Variants in ADSS1 observed in about 807,000 individuals in gnomAD.
ADSS1 encodes adenylosuccinate synthase 1, also known as adenylosuccinate synthetase isozyme 1.
A neutral mutation model predicts 59.1 loss-of-function variants in ADSS1; 57 were observed. That is an observed-to-expected ratio of 0.97 (90% CI 0.78 to 1.20). The LOEUF (loss-of-function observed/expected upper bound fraction) is 1.20. ADSS1 is among the 50% of genes most tolerant of loss of function. The pLI is 0.00. For missense variants in ADSS1, 603 were observed against 610.3 expected (o/e 0.99, Z 0.13); for synonymous variants, 247 against 249.4 (o/e 0.99, Z 0.09).
At chr14:104,746,452 C>T (rs1301657459) in intron 12 of ADSS1, 67 bp downstream of exon 12, 14 of 1,543,046 alleles carry the variant, frequency 9.1e-6, no homozygotes, top group South Asian at 4.7e-5. Flanking sequence ...CACATCCCAG[C>T]GCAGGGCTTG....
rs759021404 is a variant in ADSS1 at position 104,744,843 on chromosome 14, G to C, written c.1105G>C (p.Val369Leu). The C allele has an allele frequency of 4.3e-6, 7 of 1,614,206 alleles. No homozygotes were observed. Among genetic ancestry groups the C allele is most frequent in the South Asian group, 2.2e-5 (2 of 91,082 alleles). The change falls in exon 11 of 13, where the codon GTA becomes CTA. Residue 369 changes from valine (V) to leucine (L), a missense_variant. Val to Leu is a conservative substitution (Grantham distance 32). Coordinates refer to ENST00000330877, the MANE Select transcript of ADSS1 (RefSeq NM_152328.5). ...CCTGACGAAGCTGGACATCCTGGAC[G>C]TACTGGGTGAGGTTAAAGTCGGTGT... ...LALTKLDILDVLGEVKVGVSY... is the reference protein window; with the variant it reads ...LALTKLDILDLLGEVKVGVSY...
chr14:104,736,742 G>A (rs191950737), intron 2 of ADSS1, among the ~76,000 whole-genome samples: 28 of 151,820 alleles, frequency 1.8e-4, no homozygotes, highest in Middle Eastern at 3.4e-3. Context: ...TTGAGACAGG[G>A]TCTGGCTGTG....
chr14:104,741,837 C>G lies in ADSS1; in HGVS notation c.794-11C>G, dbSNP rs769476611. ...TGACAGGTAGCCCCCTAAACCTGCT[C>G]TGTCTTGCAGGGACCTACCCCTTTG... On this transcript the variant is annotated splice_polypyrimidine_tract_variant and intron_variant, in intron 8 of 12. Transcript: ENST00000330877. 1 of 1,612,922 alleles carries G rather than the reference C, an allele frequency of 6.2e-7. No homozygotes were observed. The highest frequency in any genetic ancestry group is 8.5e-7 in the Non-Finnish European group (1 of 1,179,818).
Position 104,741,988 on chromosome 14 carries a change from A to G in ADSS1, c.934A>G (p.Thr312Ala). The G allele has an allele frequency of 6.2e-7, 1 of 1,612,916 alleles. No homozygotes were observed. Among genetic ancestry groups the G allele is most frequent in the Non-Finnish European group, 8.5e-7 (1 of 1,179,884 alleles). The change falls in exon 9 of 13, where the codon ACC (threonine) becomes GCC (alanine). Residue 312 changes from threonine (T) to alanine (A), a missense_variant. Physicochemically the swap from Thr to Ala is moderately conservative, Grantham distance 58. Transcript: ENST00000330877. ...TTRVGIGAFP[T>A]EQINEIGGLL... ...ACGTGTGGGCATCGGGGCCTTCCCC[A>G]CCGAGCAGATCAACGTGAGTCCCCA...
rs564376341 is a variant in ADSS1, at chr14:104,741,183, G to A, written c.733G>A (p.Gly245Ser). Residue 245 changes from glycine (G) to serine (S), a missense_variant, in exon 8 of 13, where the codon GGC becomes AGC. Physicochemically the swap from Gly to Ser is moderately conservative, Grantham distance 56 (BLOSUM62 0). Transcript: ENST00000330877. ...GVYFMYEALH[G>S]PPKKILVEGA... ...TTACTTTATGTATGAGGCACTCCACGGCCCCCCCAAGAAGATCCTGGTGGA... is the reference window on the plus strand; with the variant it reads ...TTACTTTATGTATGAGGCACTCCACAGCCCCCCCAAGAAGATCCTGGTGGA... 1.1e-5 allele frequency: 17 copies of A among 1,612,370 alleles called. No homozygotes were observed. The Middle Eastern group carries it at 5.0e-4, about 47-fold the overall frequency.
At chr14:104,734,200 TCCATCATG>T (rs1891035145) in intron 1 of ADSS1, among the ~76,000 whole-genome samples, 1 of 152,162 alleles carries the variant, frequency 6.6e-6, no homozygotes, top group Admixed American at 6.5e-5. Context: ...TGTCCCTGTA[TCCATCATG>T]CCACCAGCCC....
chr14:104,741,289 A>C (rs1891344829), intron 8 of ADSS1, 46 bp downstream of exon 8: 6 of 1,516,990 alleles, frequency 4.0e-6, no homozygotes, highest in Non-Finnish European at 5.3e-6. Context: ...CGTGCCTGCC[A>C]GGGAAGACCC....
Position 104,741,236 on chromosome 14 carries a change from T to C in ADSS1, c.786T>C (p.Ile262=). Residue 262 remains isoleucine, a synonymous_variant, in exon 8 of 13, where the codon ATT becomes ATC. Transcript: ENST00000330877. The part of the protein sequence containing the change: ...VEGANAALLD[I]DFGTYPFVTS... ...GTGCCAACGCCGCCCTCCTCGACAT[T>C]GACTTCGGTATGTCCGGGAGGGTGT... is the stretch of plus-strand genomic sequence containing the variant. 1.9e-6 allele frequency: 3 copies of C among 1,593,880 alleles called. No homozygotes were observed. Among genetic ancestry groups the C allele is most frequent in the Non-Finnish European group, 2.6e-6 (3 of 1,170,494 alleles).
In ADSS1 at chr14:104,747,224, G is replaced by T; in HGVS notation, c.*221G>T. On this transcript the variant is annotated 3_prime_UTR_variant, in exon 13 of 13. Transcript: ENST00000330877. ...AATTATATTCAAAATGAGCCAAAGT[G>T]CTCAGAGACCTTCTATGACACATTA... 2.2e-6 allele frequency: 1 copy of T among 454,564 alleles called. No homozygotes were observed. The highest frequency in any genetic ancestry group is 3.8e-5 in the South Asian group (1 of 26,460). The allele number at this position is 454,564 out of a possible 1,614,324, so 28.2% of individuals were successfully genotyped here. A position where few individuals can be genotyped will look rare whatever the true frequency, so the allele number is the denominator to read the frequency against.
chr14:104,738,415 A>G lies in ADSS1; in HGVS notation c.335A>G (p.Glu112Gly). The G allele has an allele frequency of 6.2e-7, 1 of 1,613,972 alleles. No homozygotes were observed. Among genetic ancestry groups the G allele is most frequent in the South Asian group, 1.1e-5 (1 of 91,076 alleles). ...ATCCACTTGCCAGGCTTGTTTGAGG[A>G]AGCAGAGAAGAATGAAAAGAAAGGT... is the stretch of plus-strand genomic sequence containing the variant. ...VVIHLPGLFEEAEKNEKKGLK... is the reference protein window; with the variant it reads ...VVIHLPGLFEGAEKNEKKGLK... Residue 112 changes from glutamate (E) to glycine (G), a missense_variant, in exon 3 of 13, where the codon GAA becomes GGA. Coordinates refer to ENST00000330877, the MANE Select transcript of ADSS1 (RefSeq NM_152328.5).
At chr14:104,746,154 G>T in intron 11 of ADSS1, 82 bp from the exon 12 acceptor site, 1 of 1,521,922 alleles carries the variant, frequency 6.6e-7, no homozygotes, top group South Asian at 1.3e-5. Flanking sequence ...CCCTGGATGG[G>T]GGTGGCCGTG....
Position 104,740,945 on chromosome 14 carries a change from G to T in ADSS1, c.666+25G>T, listed in dbSNP as rs369145808. Reference sequence around the variant, plus strand: ...GGTGAAGTCGGGGCCGCAGTGTGGGGGCTGCGGAAGTGCTCCTCCAGGGAG... The same window carrying T: ...GGTGAAGTCGGGGCCGCAGTGTGGGTGCTGCGGAAGTGCTCCTCCAGGGAG... On this transcript the variant is annotated intron_variant, in intron 7 of 12. Coordinates refer to ENST00000330877, the MANE Select transcript of ADSS1 (RefSeq NM_152328.5). The surrounding 1 kb of genome is among the most constrained non-coding windows in gnomAD (Gnocchi z 4.8). The T allele has an allele frequency of 1.9e-6, 3 of 1,613,550 alleles. No homozygotes were observed. Among genetic ancestry groups the T allele is most frequent in the Non-Finnish European group, 2.5e-6 (3 of 1,179,718 alleles).
In ADSS1 at chr14:104,740,101, C is replaced by T. The variant is rs1305844248; in HGVS notation, c.476+285C>T. ...GTCACCTGTCACACCCACCACCTTTCCTGACTCCACACGGCCCCAGGGAAG... is the reference window on the plus strand; with the variant it reads ...GTCACCTGTCACACCCACCACCTTTTCTGACTCCACACGGCCCCAGGGAAG... On this transcript the variant is annotated intron_variant, in intron 5 of 12. Transcript: ENST00000330877. The surrounding 1 kb of genome is among the most constrained non-coding windows in gnomAD (Gnocchi z 4.8). 6.6e-6 allele frequency among the ~76,000 whole-genome samples: 1 copy of T among 152,172 alleles called. No individual in the cohort carries two copies. The highest frequency in any genetic ancestry group is 1.5e-5 in the Non-Finnish European group (1 of 68,026).
intron 1 of ADSS1, among the ~76,000 whole-genome samples, chr14:104,732,568 C>T (rs975941802): frequency 2.6e-5 from 4 of 152,216 alleles, no homozygotes; most frequent in African/African-American, 4.8e-5. Context: ...CGACAAGCCG[C>T]GCCTGTTCCT....
At chr14:104,738,884 G>C (rs1891224226) in intron 3 of ADSS1, among the ~76,000 whole-genome samples, 1 of 152,222 alleles carries the variant, frequency 6.6e-6, no homozygotes, top group African/African-American at 2.4e-5. Context: ...GTGGGTCTGG[G>C]AGGACGCTGA....
intron 1 of ADSS1, among the ~76,000 whole-genome samples, chr14:104,725,040 C>G (rs1031704730): frequency 6.6e-6 from 1 of 152,138 alleles, no homozygotes; most frequent in Non-Finnish European, 1.5e-5. Context: ...ATTGGGGCCG[C>G]GCCTGAGGGA....
intron 10 of ADSS1, 195 bp from the exon 11 acceptor site, chr14:104,744,617 G>T: frequency 1.7e-6 from 1 of 584,336 alleles, no homozygotes; most frequent in Non-Finnish European, 3.1e-6. Context: ...AGCTCAGGCC[G>T]TAATGCTAGC....
intron 1 of ADSS1, among the ~76,000 whole-genome samples, chr14:104,725,239 T>C (rs1266553308): frequency 6.6e-6 from 1 of 152,104 alleles, no homozygotes; most frequent in Non-Finnish European, 1.5e-5. Context: ...AGCTGCACAC[T>C]GGGCACTCTC....
intron 8 of ADSS1, 36 bp downstream of exon 8, chr14:104,741,279 C>T (rs1038755725): frequency 1.2e-5 from 18 of 1,523,034 alleles, no homozygotes; most frequent in East Asian, 2.3e-5. Flanking sequence ...AACGACCTTT[C>T]GTGCCTGCCA....
Sources: allele counts gnomAD v4.1 joint callset (sites outside exome capture counted in the v4.1 genomes callset), GRCh38; gene constraint gnomAD v4.1.1; non-coding constraint Gnocchi (gnomAD v3.1); transcripts MANE v1.5; gene names NCBI Gene and HGNC (gene_info 2026-07-23, HGNC 2026-07-21).